Variants in AP3B1 observed in about 807,000 individuals in gnomAD.
AP3B1 encodes adaptor related protein complex 3 subunit beta 1, also known as AP-3 complex subunit beta-1.
AP3B1 carries 61 observed loss-of-function variants against 132.5 expected under a neutral mutation model. That is an observed-to-expected ratio of 0.46 (90% confidence interval 0.37 to 0.57). The LOEUF is 0.57. Among genes scored for constraint, AP3B1 ranks in the 20% least tolerant of loss-of-function variants. The probability of loss-of-function intolerance (pLI) is 0.00; values close to 1 mark genes in which losing one functional copy is unlikely to be tolerated. For synonymous variants in AP3B1, 388 were observed against 438.3 expected (o/e 0.89, Z 1.43); for missense variants, 1,120 against 1,289.4 (o/e 0.87, Z 2.01).
intron 14 of AP3B1, among the ~76,000 whole-genome samples, chr5:78,153,946 T>C (rs577153414): frequency 1.9e-4 from 29 of 152,286 alleles, no homozygotes; most frequent in African/African-American, 7.0e-4. Flanking sequence ...TCAGTTCACG[T>C]TTTAGTCTTT....
rs565326641 is a variant in AP3B1, at chr5:78,079,900, G to A, written c.2577+9493C>T. Among the ~76,000 whole-genome samples, 71 of 152,278 alleles carry A rather than the reference G, an allele frequency of 4.7e-4. No homozygotes were observed. The South Asian group carries it at 0.012, about 26-fold the overall frequency. On this transcript the variant is annotated intron_variant, in intron 22 of 26. Transcript: ENST00000255194. ...AATTTGGATTTGGTGTTCGCCAGTT[G>A]CAAGTATGGTTTTAAACATTTTCCA...
chr5:78,178,071 GCTCAAGACAC>G (rs1275224688), intron 8 of AP3B1, among the ~76,000 whole-genome samples: 2 of 152,158 alleles, frequency 1.3e-5, no homozygotes, highest in African/African-American at 2.4e-5. Flanking sequence ...ACGTGGCAAA[GCTCAAGACAC>G]TCGAAATTCC....
At chr5:78,149,562 T>G (rs1345483756) in intron 14 of AP3B1, among the ~76,000 whole-genome samples, 1 of 152,204 alleles carries the variant, frequency 6.6e-6, no homozygotes, top group Non-Finnish European at 1.5e-5. Context: ...ATTCCCTTAA[T>G]AACAGCTTAC....
At chr5:78,016,681 C>G (rs963649107) in intron 25 of AP3B1, among the ~76,000 whole-genome samples, 7 of 151,970 alleles carry the variant, frequency 4.6e-5, no homozygotes, top group Admixed American at 1.3e-4. Context: ...AACACTAAAG[C>G]CTAACATTGT....
chr5:78,169,996 A>G (rs1211663863), intron 11 of AP3B1, among the ~76,000 whole-genome samples: 2 of 152,116 alleles, frequency 1.3e-5, no homozygotes, highest in African/African-American at 4.8e-5. Flanking sequence ...TATGAGTGAA[A>G]ACATGCAATA....
chr5:78,151,575 T>C (rs1427714545), intron 14 of AP3B1, among the ~76,000 whole-genome samples: 2 of 152,142 alleles, frequency 1.3e-5, no homozygotes, highest in African/African-American at 4.8e-5. Context: ...GGACGCTGAA[T>C]TTTATCAAAT....
At chr5:78,017,419 A>G (rs561120261) in intron 25 of AP3B1, among the ~76,000 whole-genome samples, 1 of 152,144 alleles carries the variant, frequency 6.6e-6, no homozygotes, top group African/African-American at 2.4e-5. Context: ...CACTTAGGAG[A>G]GCAGCATGGT....
chr5:78,141,040 A>C, intron 15 of AP3B1, 103 bp downstream of exon 15: 1 of 1,062,800 alleles, frequency 9.4e-7, no homozygotes, highest in Non-Finnish European at 1.5e-6. Context: ...GGCACCTAGA[A>C]ATTGTTGAAT....
chr5:78,268,607 C>A (rs1580569457), intron 1 of AP3B1, among the ~76,000 whole-genome samples: 1 of 152,136 alleles, frequency 6.6e-6, no homozygotes, highest in Non-Finnish European at 1.5e-5. Context: ...AACAGCCCAA[C>A]CTCTAATTCC....
Position 78,018,683 on chromosome 5 carries a change from C to G in AP3B1, c.2992+2009G>C, listed in dbSNP as rs1746962343. Reference sequence around the variant, plus strand: ...TTAAAGCTGGTGTAACACACACACACACACACACACACACACACCCCTTAA... The same window carrying G: ...TTAAAGCTGGTGTAACACACACACAGACACACACACACACACACCCCTTAA... On this transcript the variant is annotated intron_variant, in intron 25 of 26. Coordinates refer to ENST00000255194, the MANE Select transcript of AP3B1 (RefSeq NM_003664.5). 1.3e-5 allele frequency among the ~76,000 whole-genome samples: 2 copies of G among 151,786 alleles called. 1 individual carries two copies. Among genetic ancestry groups the G allele is most frequent in the South Asian group, 4.1e-4 (2 of 4,820 alleles).
At chr5:78,290,256 C>T (rs1749455868) in intron 1 of AP3B1, among the ~76,000 whole-genome samples, 2 of 152,100 alleles carry the variant, frequency 1.3e-5, no homozygotes, top group Middle Eastern at 3.4e-3. Flanking sequence ...TTTTTTCTTC[C>T]CATTTTCATT....
At chr5:78,222,630 T>C (rs1746228544) in intron 6 of AP3B1, 1 of 151,116 alleles carries the variant, frequency 6.6e-6, no homozygotes, top group Admixed American at 6.6e-5. Context: ...CTCTTTGTCA[T>C]GCAAAAAAAA....
In AP3B1 at chr5:78,121,371, G is replaced by C. The variant is rs186720305; in HGVS notation, c.1969-5137C>G. 3.4e-3 allele frequency among the ~76,000 whole-genome samples: 520 copies of C among 151,702 alleles called. 1 individual carries two copies. Among genetic ancestry groups the C allele is most frequent in the Admixed American group, 6.8e-3 (104 of 15,256 alleles). ...AGCAGAACTGAAGGAAATAGAGACA[G>C]AAAAAACCCTTCAAAAAAATCAATG... On this transcript the variant is annotated intron_variant, in intron 17 of 26. Transcript: ENST00000255194.
chr5:78,283,627 C>G (rs1276009732), intron 1 of AP3B1, among the ~76,000 whole-genome samples: 1 of 152,164 alleles, frequency 6.6e-6, no homozygotes, highest in African/African-American at 2.4e-5. Flanking sequence ...AGGTAGCTGT[C>G]CTGAATACCT....
chr5:78,144,593 A>G (rs1753304451), intron 14 of AP3B1, among the ~76,000 whole-genome samples: 1 of 152,208 alleles, frequency 6.6e-6, no homozygotes, highest in Non-Finnish European at 1.5e-5. Flanking sequence ...TCTGGACTCA[A>G]TATGCATTAA....
At chr5:78,066,016 T>C (rs548766933) in intron 22 of AP3B1, among the ~76,000 whole-genome samples, 1 of 152,222 alleles carries the variant, frequency 6.6e-6, no homozygotes, top group African/African-American at 2.4e-5. Flanking sequence ...CCTCCAGGTA[T>C]AGGAGGGAGC....
chr5:78,128,656 G>A (rs1227536121), intron 16 of AP3B1, among the ~76,000 whole-genome samples: 1 of 151,902 alleles, frequency 6.6e-6, no homozygotes, highest in Non-Finnish European at 1.5e-5. Context: ...TAAAAAGCTG[G>A]GACACGTAAG....
chr5:78,097,537 C>A (rs562134663), intron 21 of AP3B1, among the ~76,000 whole-genome samples: 3 of 110,326 alleles, frequency 2.7e-5, no homozygotes, highest in African/African-American at 3.6e-5. Context: ...CCCGGCCAGC[C>A]GCCCCGTCCG....
intron 8 of AP3B1, among the ~76,000 whole-genome samples, chr5:78,179,251 G>C (rs1299122072): frequency 6.6e-6 from 1 of 152,204 alleles, no homozygotes. Context: ...CTATCTTACA[G>C]ATAGTAAATC....
Sources: allele counts gnomAD v4.1 joint callset (sites outside exome capture counted in the v4.1 genomes callset), GRCh38; gene constraint gnomAD v4.1.1; transcripts MANE v1.5; gene names NCBI Gene and HGNC (gene_info 2026-07-23, HGNC 2026-07-21).